HOOK2: variants seen among roughly 807,000 people sequenced by gnomAD.
The protein encoded by HOOK2 is hook microtubule tethering protein 2.
A neutral mutation model predicts 111.9 loss-of-function variants in HOOK2; 108 were observed. That is an observed-to-expected ratio of 0.96 (90% confidence interval 0.83 to 1.13). The LOEUF is 1.13. Ranked by LOEUF, HOOK2 falls within the 50% of genes most tolerant of loss-of-function variation. HOOK2 has a pLI of 0.00. For synonymous variants in HOOK2, 405 were observed against 394.3 expected (o/e 1.03, Z -0.32); for missense variants, 978 against 951.3 (o/e 1.03, Z -0.37).
At position 12,770,989 on chromosome 19, in the gene HOOK2, G is replaced by C; in HGVS notation, c.845C>G (p.Ala282Gly). Residue 282 changes from alanine (A) to glycine (G), a missense_variant, in exon 10 of 23, where the codon GCG (alanine) becomes GGG (glycine). By Grantham distance (60) the Ala-to-Gly change is moderately conservative (BLOSUM62 0). Around this residue, in one of 5 missense-constraint regions of HOOK2, gnomAD observed 388 missense variants for 358.3 expected, o/e 1.08. Coordinates refer to ENST00000397668, the MANE Select transcript of HOOK2 (RefSeq NM_013312.3). Reference sequence around the variant, plus strand: ...TGCCTCCTGGGCCAGGCTAGTCAGCGCCTGGTTCCGGTGCTGCAGCTCCGC... The same window carrying C: ...TGCCTCCTGGGCCAGGCTAGTCAGCCCCTGGTTCCGGTGCTGCAGCTCCGC... ...EVAELQHRNQ[A>G]LTSLAQEAQA... 3.1e-6 allele frequency: 5 copies of C among 1,611,990 alleles called. No homozygotes were observed. Among genetic ancestry groups the C allele is most frequent in the Non-Finnish European group, 4.2e-6 (5 of 1,179,428 alleles).
intron 3 of HOOK2, chr19:12,784,459 A>C (rs577108577): frequency 6.6e-6 from 1 of 152,644 alleles, no homozygotes; most frequent in South Asian, 2.1e-4. Context: ...ACTGGTCAAA[A>C]ATACGCAGGC....
Position 12,775,016 on chromosome 19 carries a change from A to G in HOOK2, c.46-119T>C, listed in dbSNP as rs1414440176. 5.2e-6 allele frequency: 6 copies of G among 1,148,786 alleles called. No individual in the cohort carries two copies. The East Asian group carries it at 1.5e-4, about 29-fold the overall frequency. The allele number at this position is 1,148,786 out of a possible 1,614,324, so 71.2% of individuals were successfully genotyped here. A position where few individuals can be genotyped will look rare whatever the true frequency, so the allele number is the denominator to read the frequency against. On this transcript the variant is annotated intron_variant, in intron 1 of 22. Coordinates refer to ENST00000397668, the MANE Select transcript of HOOK2 (RefSeq NM_013312.3). Reference sequence around the variant, plus strand: ...ATGGTGGGGCGGGCGCTGCTCCGCCACAGCAGCTCTGCGAGGGACTGGCTT... The same window carrying G: ...ATGGTGGGGCGGGCGCTGCTCCGCCGCAGCAGCTCTGCGAGGGACTGGCTT...
chr19:12,766,320 G>A, intron 14 of HOOK2, 80 bp from the exon 15 acceptor site: 2 of 1,440,192 alleles, frequency 1.4e-6, no homozygotes, highest in Non-Finnish European at 1.8e-6. Flanking sequence ...AGTGGAGCTA[G>A]GGGCGGGACA....
At chr19:12,779,060 C>T (rs1276781809), upstream of HOOK2, among the ~76,000 whole-genome samples, 1 of 152,174 alleles carries the variant, frequency 6.6e-6, no homozygotes, top group Non-Finnish European at 1.5e-5. Context: ...GAGCCCCCAA[C>T]GTTTTGGGGG....
chr19:12,779,473 C>A (rs923214750), upstream of HOOK2, among the ~76,000 whole-genome samples: 3 of 151,890 alleles, frequency 2.0e-5, no homozygotes, highest in Non-Finnish European at 4.4e-5. Context: ...CCTAGCCAGT[C>A]CCCCCTCCCT....
intron 7 of HOOK2, 118 bp from the exon 8 acceptor site, chr19:12,771,595 G>A: frequency 1.1e-6 from 1 of 872,012 alleles, no homozygotes; most frequent in Non-Finnish European, 1.8e-6. Flanking sequence ...TTGAAAAGAG[G>A]GCTGGCGCCG....
chr19:12,773,054 AACAAGGAACTGTGG>A lies in HOOK2; in HGVS notation c.205-24_205-11del. 1 of 1,613,924 alleles carries A rather than the reference AACAAGGAACTGTGG, an allele frequency of 6.2e-7. No individual in the cohort carries two copies. The highest frequency in any genetic ancestry group is 8.5e-7 in the Non-Finnish European group (1 of 1,179,936). ...TCTTCAGATTGCTGACCTAGGGAGGAACAAGGAACTGTGGACAAGTTCAGAGGCCTCCCACTCTG... is the reference window on the plus strand; with the variant it reads ...TCTTCAGATTGCTGACCTAGGGAGGAACAAGTTCAGAGGCCTCCCACTCTG... On this transcript the variant is annotated splice_polypyrimidine_tract_variant and intron_variant, in intron 3 of 22. Coordinates refer to ENST00000397668, the MANE Select transcript of HOOK2 (RefSeq NM_013312.3).
chr19:12,773,978 C>T (rs1230493715), intron 3 of HOOK2: 1 of 153,082 alleles, frequency 6.5e-6, no homozygotes, highest in Non-Finnish European at 1.5e-5. Flanking sequence ...CCAAATTTCA[C>T]TTGGAGATTA....
intron 19 of HOOK2, 33 bp downstream of exon 19, chr19:12,764,966 C>T: frequency 6.2e-7 from 1 of 1,613,978 alleles, no homozygotes. Flanking sequence ...GCTCTGGGAT[C>T]TCCCCACCCT....
intron 7 of HOOK2, chr19:12,771,893 A>G (rs1174371642): frequency 1.5e-5 from 6 of 387,594 alleles, no homozygotes; most frequent in East Asian, 4.6e-5. Flanking sequence ...AAAAAAAAAA[A>G]AAAAAAGAAA....
At chr19:12,766,075 C>T in intron 15 of HOOK2, 28 bp downstream of exon 15, 1 of 1,604,268 alleles carries the variant, frequency 6.2e-7, no homozygotes. Context: ...TGTCCCTGCT[C>T]CGCGCAGGTA....
chr19:12,765,603 G>A, intron 18 of HOOK2, 87 bp downstream of exon 18: 11 of 1,504,676 alleles, frequency 7.3e-6, no homozygotes, highest in Non-Finnish European at 9.3e-6. Flanking sequence ...TAAAAAATCA[G>A]CCAGGCATGG....
chr19:12,788,290 A>T lies in HOOK2; in HGVS notation n.42-14065T>A, dbSNP rs549086241. Among the ~76,000 whole-genome samples, 11 of 152,288 alleles carry T rather than the reference A, an allele frequency of 7.2e-5. No homozygotes were observed. The South Asian group carries it at 2.1e-3, about 29-fold the overall frequency. On this transcript the variant is annotated intron_variant and non_coding_transcript_variant, in intron 3 of 3. Transcript: ENST00000589765. Reference sequence around the variant, plus strand: ...TCAGTTTCTCATCTGTTACATGGGGATACAAATAACATGCATTTTGCTGGA... The same window carrying T: ...TCAGTTTCTCATCTGTTACATGGGGTTACAAATAACATGCATTTTGCTGGA...
upstream of HOOK2, among the ~76,000 whole-genome samples, chr19:12,777,153 T>C (rs1166166538): frequency 7.5e-6 from 1 of 132,486 alleles, no homozygotes; most frequent in East Asian, 2.3e-4. Context: ...TGAGACTGTC[T>C]CAAAAAAAAT....
Position 12,771,493 on chromosome 19 carries a change from G to T in HOOK2, c.520-16C>A. 6.2e-7 allele frequency: 1 copy of T among 1,603,420 alleles called. No homozygotes were observed. The highest frequency in any genetic ancestry group is 8.5e-7 in the Non-Finnish European group (1 of 1,174,026). On this transcript the variant is annotated splice_polypyrimidine_tract_variant and intron_variant, in intron 7 of 22. Coordinates refer to ENST00000397668, the MANE Select transcript of HOOK2 (RefSeq NM_013312.3). ...ACCTGCGGGACTGCAGAGATGAGGGGGAAGAGGAACTCAGGGATTCAGGAG... is the reference window on the plus strand; with the variant it reads ...ACCTGCGGGACTGCAGAGATGAGGGTGAAGAGGAACTCAGGGATTCAGGAG...
chr19:12,766,025 G>C lies in HOOK2; in HGVS notation c.1512-11C>G. 2 of 1,612,156 alleles carry C rather than the reference G, an allele frequency of 1.2e-6. No homozygotes were observed. Among genetic ancestry groups the C allele is most frequent in the Non-Finnish European group, 1.7e-6 (2 of 1,179,710 alleles). ...TGCTGCTGGTTCAGCCTGCGAGGGT[G>C]GGGGGCCGCTTAGTGCCTGTGCCCA... On this transcript the variant is annotated splice_polypyrimidine_tract_variant and intron_variant, in intron 15 of 22. Transcript: ENST00000397668.
At chr19:12,778,806 G>C (rs970124781), upstream of HOOK2, among the ~76,000 whole-genome samples, 6 of 152,204 alleles carry the variant, frequency 3.9e-5, no homozygotes, top group African/African-American at 1.4e-4. Context: ...CCAGACTTAA[G>C]GAAAATCTGG....
chr19:12,789,671 CGTCGGGCCGGGG>C (rs1968686914), intron 3 of HOOK2, among the ~76,000 whole-genome samples: 1 of 151,566 alleles, frequency 6.6e-6, no homozygotes, highest in South Asian at 2.1e-4. Context: ...CTCCGCGCCC[CGTCGGGCCGGGG>C]GCGAAGTCCG....
chr19:12,763,193 G>T lies in HOOK2; in HGVS notation c.*89C>A. The T allele has an allele frequency of 7.0e-7, 1 of 1,434,350 alleles. No individual in the cohort carries two copies. The highest frequency in any genetic ancestry group is 9.5e-7 in the Non-Finnish European group (1 of 1,050,658). 88.9% of individuals were successfully genotyped at this position (1,434,350 alleles called of 1,614,324 possible). On this transcript the variant is annotated 3_prime_UTR_variant, in exon 23 of 23. Coordinates refer to ENST00000397668, the MANE Select transcript of HOOK2 (RefSeq NM_013312.3). ...GAGATCATGGCCTCAAAGCTCTCGA[G>T]CACCTGGCTGAAGCCCAGTGCTGGG...
Sources: gnomAD v4.1 joint callset for allele counts (sites outside exome capture counted in the v4.1 genomes callset) on GRCh38, gnomAD v4.1.1 for gene constraint, gnomAD v4.1.1 regional missense constraint, MANE v1.5 for transcripts, NCBI Gene and HGNC (gene_info 2026-07-23, HGNC 2026-07-21) for gene names.